The following SCHIP1 variants were observed in gnomAD, a reference collection of about 807,000 sequenced individuals.
The protein encoded by SCHIP1 is schwannomin-interacting protein 1.
In SCHIP1, 8 loss-of-function variants were observed where a neutral mutation model predicts 29.7. That is an observed-to-expected ratio of 0.27 (90% CI 0.16 to 0.49). SCHIP1 has a LOEUF of 0.49. Ranked by LOEUF, SCHIP1 falls within the 20% of genes least tolerant of loss-of-function variation. The pLI, the probability that SCHIP1 is intolerant of heterozygous loss-of-function variation, is 0.99. For missense variants in SCHIP1, 193 were observed against 294.6 expected, an observed-to-expected ratio of 0.66 and a Z score of 2.52; for synonymous variants, 76 against 94.9, an observed-to-expected ratio of 0.80 and a Z score of 1.16.
chr3:159,644,469 ATG>A, the SCHIP1 span, among the ~76,000 whole-genome samples: 1 of 148,368 alleles, frequency 6.7e-6, no homozygotes, highest in South Asian at 2.1e-4. Flanking sequence ...TTCTAGTGTG[ATG>A]TAAATGCACC....
the SCHIP1 span, among the ~76,000 whole-genome samples, chr3:159,623,147 G>A: frequency 2.0e-5 from 3 of 152,072 alleles, no homozygotes; most frequent in African/African-American, 7.2e-5. Context: ...ACTTGAAAAT[G>A]CTCATCAAGT....
chr3:159,717,644 T>C, the SCHIP1 span, among the ~76,000 whole-genome samples: 3 of 152,142 alleles, frequency 2.0e-5, no homozygotes, highest in Non-Finnish European at 4.4e-5. Flanking sequence ...AATGGGTAAA[T>C]TCCTGAACAC....
the SCHIP1 span, among the ~76,000 whole-genome samples, chr3:159,609,324 C>T: frequency 5.9e-5 from 9 of 151,972 alleles, no homozygotes; most frequent in Non-Finnish European, 1.3e-4. Flanking sequence ...AGTGAGTAGT[C>T]CAGTGTTCAT....
the SCHIP1 span, among the ~76,000 whole-genome samples, chr3:159,819,215 GAGAA>G: frequency 6.6e-6 from 1 of 152,212 alleles, no homozygotes; most frequent in African/African-American, 2.4e-5. Flanking sequence ...GGTGATCAGA[GAGAA>G]AGAAAGAGTG....
chr3:159,529,481 T>C, the SCHIP1 span, among the ~76,000 whole-genome samples: 3 of 152,168 alleles, frequency 2.0e-5, no homozygotes, highest in African/African-American at 7.2e-5. Flanking sequence ...TTTTAAGTTA[T>C]GGATACATAA....
the SCHIP1 span, among the ~76,000 whole-genome samples, chr3:159,362,954 A>G: frequency 1.3e-5 from 2 of 152,176 alleles, no homozygotes; most frequent in Non-Finnish European, 2.9e-5. Context: ...CTGGGCCCTT[A>G]TGAAGAAAGC....
the SCHIP1 span, among the ~76,000 whole-genome samples, chr3:159,754,028 A>AT: frequency 6.6e-6 from 1 of 151,526 alleles, no homozygotes; most frequent in African/African-American, 2.4e-5. Context: ...ATTGTTGTGT[A>AT]TTTTTTCCCT....
the SCHIP1 span, among the ~76,000 whole-genome samples, chr3:159,541,205 G>A: frequency 0.018 from 2,751 of 152,156 alleles, 38 homozygotes; most frequent in Middle Eastern, 0.082. Flanking sequence ...AAATACAGAG[G>A]ACTTGGGAGT....
the SCHIP1 span, among the ~76,000 whole-genome samples, chr3:159,496,660 C>T: frequency 6.6e-6 from 1 of 152,130 alleles, no homozygotes; most frequent in Non-Finnish European, 1.5e-5. Context: ...GTTGGTGGGA[C>T]TGTACACTAA....
chr3:159,555,891 G>C, the SCHIP1 span, among the ~76,000 whole-genome samples: 1 of 152,096 alleles, frequency 6.6e-6, no homozygotes, highest in African/African-American at 2.4e-5. Context: ...CACAGGGAGG[G>C]GAACATCACA....
the SCHIP1 span, among the ~76,000 whole-genome samples, chr3:159,703,737 A>G: frequency 6.6e-6 from 1 of 152,196 alleles, no homozygotes; most frequent in Non-Finnish European, 1.5e-5. Flanking sequence ...GAATACAGGG[A>G]TTCAGAGAAC....
At chr3:159,455,661 A>T in the SCHIP1 span, among the ~76,000 whole-genome samples, 1 of 152,232 alleles carries the variant, frequency 6.6e-6, no homozygotes, top group Non-Finnish European at 1.5e-5. Context: ...CATGAAAATA[A>T]TGATAGGCCC....
At chr3:159,619,374 A>G in the SCHIP1 span, among the ~76,000 whole-genome samples, 3 of 152,300 alleles carry the variant, frequency 2.0e-5, no homozygotes, top group East Asian at 3.9e-4. Context: ...CATGCCTGAC[A>G]GCCTGTACCT....
chr3:159,312,229 A>G, the SCHIP1 span, among the ~76,000 whole-genome samples: 1 of 152,170 alleles, frequency 6.6e-6, no homozygotes. Context: ...CTGCTATAAA[A>G]AGGAACTCTA....
the SCHIP1 span, among the ~76,000 whole-genome samples, chr3:159,713,855 A>T: frequency 9.6e-6 from 1 of 104,586 alleles, no homozygotes; most frequent in African/African-American, 4.2e-5. Context: ...ACAGCAAAGC[A>T]AACAAATACA....
At chr3:159,431,643 T>C in the SCHIP1 span, among the ~76,000 whole-genome samples, 2 of 151,894 alleles carry the variant, frequency 1.3e-5, no homozygotes, top group Non-Finnish European at 2.9e-5. Flanking sequence ...ACCCCATCTC[T>C]ACCAAAAATA....
At chr3:159,388,729 G>A in the SCHIP1 span, among the ~76,000 whole-genome samples, 1 of 152,022 alleles carries the variant, frequency 6.6e-6, no homozygotes, top group Non-Finnish European at 1.5e-5. Flanking sequence ...ATAGATCAAT[G>A]ATACAGAATA....
At chr3:159,658,129 G>T in the SCHIP1 span, among the ~76,000 whole-genome samples, 1 of 152,178 alleles carries the variant, frequency 6.6e-6, no homozygotes, top group African/African-American at 2.4e-5. Flanking sequence ...GTGATGAGAC[G>T]TGTGAATTCA....
chr3:159,725,578 A>T, the SCHIP1 span, among the ~76,000 whole-genome samples: 9 of 152,178 alleles, frequency 5.9e-5, no homozygotes, highest in African/African-American at 2.2e-4. Context: ...ATACACTTTT[A>T]ACTGCCTAGG....
Sources: gnomAD v4.1 joint callset for allele counts (sites outside exome capture counted in the v4.1 genomes callset) on GRCh38, gnomAD v4.1.1 for gene constraint, MANE v1.5 for transcripts, NCBI Gene and HGNC (gene_info 2026-07-23, HGNC 2026-07-21) for gene names.